Variants in FAM53B observed in about 807,000 individuals in gnomAD.
FAM53B encodes the protein family with sequence similarity 53 member B.
A neutral mutation model predicts 32.7 loss-of-function variants in FAM53B; 12 were observed. That is an observed-to-expected ratio of 0.37 (90% CI 0.24 to 0.59). FAM53B has a LOEUF of 0.59. Among genes scored for constraint, FAM53B ranks in the 20% least tolerant of loss-of-function variants. The pLI is 0.72. For missense variants in FAM53B, 477 were observed against 577.7 expected, an observed-to-expected ratio of 0.83 and a Z score of 1.79; for synonymous variants, 234 against 228.7, an observed-to-expected ratio of 1.02 and a Z score of -0.21.
intron 1 of FAM53B, chr10:124,742,709 C>CCT (rs1950206356): frequency 6.6e-6 from 1 of 152,438 alleles, no homozygotes; most frequent in South Asian, 2.1e-4. Context: ...AACATTTGTT[C>CCT]CTGTTGAACA....
chr10:124,657,135 TATAC>T (rs1589740356), intron 4 of FAM53B, among the ~76,000 whole-genome samples: 2 of 144,740 alleles, frequency 1.4e-5, no homozygotes, highest in African/African-American at 2.5e-5. Flanking sequence ...TATGTGTGTA[TATAC>T]ATATATATGT....
At chr10:124,693,399 G>A (rs1259416376) in intron 3 of FAM53B, among the ~76,000 whole-genome samples, 1 of 151,948 alleles carries the variant, frequency 6.6e-6, no homozygotes, top group African/African-American at 2.4e-5. Context: ...GAACCTGGGA[G>A]GCGGACGTTG....
At chr10:124,634,529 A>T (rs557058658) in intron 4 of FAM53B, among the ~76,000 whole-genome samples, 1 of 152,318 alleles carries the variant, frequency 6.6e-6, no homozygotes, top group East Asian at 1.9e-4. Flanking sequence ...TGGTTTTATA[A>T]GGGGCTTTGT....
At chr10:124,648,647 G>A (rs904322305) in intron 4 of FAM53B, among the ~76,000 whole-genome samples, 5 of 152,264 alleles carry the variant, frequency 3.3e-5, no homozygotes, top group East Asian at 3.8e-4. Context: ...GGCATGGTGC[G>A]TGCACCAACA....
intron 4 of FAM53B, among the ~76,000 whole-genome samples, chr10:124,649,667 A>G (rs1461994186): frequency 1.3e-5 from 2 of 152,228 alleles, no homozygotes; most frequent in Non-Finnish European, 2.9e-5. Context: ...TCCCCCTGTA[A>G]GATGGAGGGC....
At chr10:124,643,503 C>T (rs1238754055) in intron 4 of FAM53B, among the ~76,000 whole-genome samples, 3 of 152,242 alleles carry the variant, frequency 2.0e-5, no homozygotes, top group Admixed American at 1.3e-4. Context: ...CTCCATCACT[C>T]GTCGCCCGGG....
intron 4 of FAM53B, among the ~76,000 whole-genome samples, chr10:124,646,153 C>T (rs567367627): frequency 2.0e-5 from 3 of 152,194 alleles, no homozygotes; most frequent in Admixed American, 6.5e-5. Flanking sequence ...GAGCATCTAG[C>T]GGATGGAGTC....
intron 2 of FAM53B, chr10:124,704,019 G>A (rs567221735): frequency 6.6e-6 from 1 of 152,638 alleles, no homozygotes; most frequent in African/African-American, 2.4e-5. Context: ...CAACTCTGAA[G>A]CCAACACCAG....
At chr10:124,713,992 T>C (rs1264939089) in intron 1 of FAM53B, 3 of 152,176 alleles carry the variant, frequency 2.0e-5, no homozygotes, top group Non-Finnish European at 2.9e-5. Flanking sequence ...ACAAAAGCAA[T>C]CTGTGGGCAG....
At chr10:124,646,687 C>A (rs1949517786) in intron 4 of FAM53B, among the ~76,000 whole-genome samples, 1 of 152,254 alleles carries the variant, frequency 6.6e-6, no homozygotes, top group Admixed American at 6.5e-5. Flanking sequence ...GAGACCTGGC[C>A]TCCAGCCAAC....
chr10:124,730,687 C>T (rs1329067052), intron 1 of FAM53B, among the ~76,000 whole-genome samples: 3 of 152,210 alleles, frequency 2.0e-5, no homozygotes, highest in Non-Finnish European at 4.4e-5. Flanking sequence ...GAGGTGACCA[C>T]CGCATGCAGC....
At chr10:124,675,909 G>C (rs555933285) in intron 4 of FAM53B, among the ~76,000 whole-genome samples, 1 of 152,220 alleles carries the variant, frequency 6.6e-6, no homozygotes, top group Admixed American at 6.5e-5. Flanking sequence ...GGTGGATGAC[G>C]TTCAATTACC....
intron 4 of FAM53B, chr10:124,667,194 G>A: frequency 1.8e-6 from 1 of 553,342 alleles, no homozygotes. Context: ...ATAAAATAGT[G>A]CATTCATGAT....
At chr10:124,666,076 C>G (rs1949670439) in intron 4 of FAM53B, among the ~76,000 whole-genome samples, 1 of 152,204 alleles carries the variant, frequency 6.6e-6, no homozygotes, top group Non-Finnish European at 1.5e-5. Flanking sequence ...GAACCAGCTT[C>G]CCAGGTTATT....
chr10:124,725,321 T>A (rs905131005), intron 1 of FAM53B, among the ~76,000 whole-genome samples: 1 of 152,186 alleles, frequency 6.6e-6, no homozygotes, highest in South Asian at 2.1e-4. Flanking sequence ...CCAGGGTCTC[T>A]CACCTCCAGC....
intron 4 of FAM53B, 117 bp from the exon 5 acceptor site, chr10:124,623,721 G>C: frequency 8.1e-7 from 1 of 1,234,036 alleles, no homozygotes; most frequent in South Asian, 1.6e-5. Flanking sequence ...TCAAGTCCCG[G>C]GTTCCTCCTA....
chr10:124,663,974 C>T (rs1042345121), intron 4 of FAM53B, among the ~76,000 whole-genome samples: 4 of 152,114 alleles, frequency 2.6e-5, no homozygotes, highest in African/African-American at 9.7e-5. Context: ...CCCATGAACA[C>T]TGCAAGGTTT....
chr10:124,703,872 CCT>C (rs1002147017), intron 2 of FAM53B: 4 of 152,552 alleles, frequency 2.6e-5, no homozygotes, highest in African/African-American at 9.6e-5. Context: ...CCTGCTCTCC[CCT>C]GACTGCTTTC....
chr10:124,689,723 G>A (rs1949822525), intron 3 of FAM53B, among the ~76,000 whole-genome samples: 1 of 152,236 alleles, frequency 6.6e-6, no homozygotes, highest in Non-Finnish European at 1.5e-5. Flanking sequence ...CAGAGTTGGG[G>A]TGGCCCATGG....
Sources: allele counts gnomAD v4.1 joint callset (sites outside exome capture counted in the v4.1 genomes callset), GRCh38; gene constraint gnomAD v4.1.1; transcripts MANE v1.5; gene names NCBI Gene and HGNC (gene_info 2026-07-23, HGNC 2026-07-21).